SYT9: variants seen among roughly 807,000 people sequenced by gnomAD.
The protein encoded by SYT9 is synaptotagmin-9.
SYT9 carries 22 observed loss-of-function variants against 48.4 expected under a neutral mutation model. The ratio of observed to expected loss-of-function variants is 0.45; its 90% CI spans 0.32 to 0.65. The LOEUF is 0.65. Ranked by LOEUF, SYT9 falls within the 30% of genes least tolerant of loss-of-function variation. SYT9 has a pLI of 0.03. For missense variants in SYT9, 577 were observed against 622.0 expected (o/e 0.93, Z 0.77); for synonymous variants, 265 against 245.0 (o/e 1.08, Z -0.76).
At chr11:7,413,740 C>T (rs188100424) in intron 3 of SYT9, among the ~76,000 whole-genome samples, 12 of 149,974 alleles carry the variant, frequency 8.0e-5, no homozygotes, top group African/African-American at 2.7e-4. Flanking sequence ...AGGCACATAG[C>T]TGCCTGTTGT....
intron 6 of SYT9, among the ~76,000 whole-genome samples, chr11:7,433,763 C>T (rs7927551): frequency 6.6e-6 from 1 of 152,116 alleles, no homozygotes; most frequent in Non-Finnish European, 1.5e-5. Flanking sequence ...TCACCAGACA[C>T]CAAATCAGCT....
chr11:7,260,442 G>C (rs991170885), intron 1 of SYT9, among the ~76,000 whole-genome samples: 8 of 152,118 alleles, frequency 5.3e-5, no homozygotes, highest in African/African-American at 1.9e-4. Flanking sequence ...AGTGTGTGTT[G>C]GCAATGTTGA....
chr11:7,420,726 G>T (rs1847338494), intron 6 of SYT9, 91 bp downstream of exon 6: 6 of 1,514,402 alleles, frequency 4.0e-6, no homozygotes, highest in Non-Finnish European at 5.4e-6. Flanking sequence ...AGTGCACCAG[G>T]ATCTATGGTC....
chr11:7,420,016 C>A (rs1439569871), intron 5 of SYT9, among the ~76,000 whole-genome samples: 1 of 152,156 alleles, frequency 6.6e-6, no homozygotes, highest in Non-Finnish European at 1.5e-5. Flanking sequence ...AAGACAATAA[C>A]AGTATTCTCT....
chr11:7,417,266 G>T (rs557556387), intron 4 of SYT9, among the ~76,000 whole-genome samples: 1 of 152,180 alleles, frequency 6.6e-6, no homozygotes, highest in African/African-American at 2.4e-5. Context: ...TGGTTATGCA[G>T]GTGAAAATAG....
At chr11:7,457,733 G>A (rs1482611783) in intron 6 of SYT9, 2 of 152,170 alleles carry the variant, frequency 1.3e-5, no homozygotes, top group East Asian at 3.9e-4. Context: ...CATCATCTCA[G>A]ATGGATTTGC....
intron 3 of SYT9, among the ~76,000 whole-genome samples, chr11:7,339,589 CTTAT>C (rs1849681799): frequency 1.3e-5 from 2 of 152,212 alleles, no homozygotes; most frequent in South Asian, 4.2e-4. Flanking sequence ...GGAAAAGGAT[CTTAT>C]TTCTCCTTTA....
At chr11:7,263,666 T>A (rs1334654056) in intron 1 of SYT9, among the ~76,000 whole-genome samples, 2 of 151,968 alleles carry the variant, frequency 1.3e-5, no homozygotes, top group African/African-American at 2.4e-5. Context: ...ATCCCCTGAG[T>A]TAAATGCCCC....
chr11:7,359,350 A>C (rs1371896904), intron 3 of SYT9, among the ~76,000 whole-genome samples: 1,581 of 73,932 alleles, frequency 0.021, 30 homozygotes, highest in African/African-American at 0.054. Flanking sequence ...ATTTATAGTC[A>C]TTTGGGTATA....
At chr11:7,412,942 G>T (rs911660743) in intron 3 of SYT9, among the ~76,000 whole-genome samples, 3 of 152,198 alleles carry the variant, frequency 2.0e-5, no homozygotes, top group African/African-American at 7.2e-5. Context: ...TGATTTCCAA[G>T]CCCCTGGATG....
At chr11:7,333,520 A>G (rs1849579937) in intron 3 of SYT9, among the ~76,000 whole-genome samples, 1 of 152,212 alleles carries the variant, frequency 6.6e-6, no homozygotes, top group South Asian at 2.1e-4. Flanking sequence ...AGATCTATGA[A>G]TTTGGCTCTG....
At chr11:7,346,405 T>A (rs1007640938) in intron 3 of SYT9, among the ~76,000 whole-genome samples, 1 of 151,904 alleles carries the variant, frequency 6.6e-6, no homozygotes, top group Non-Finnish European at 1.5e-5. Context: ...CAGAACAGAG[T>A]TGGCGGATTT....
Position 7,397,036 on chromosome 11 carries a change from T to G in SYT9, c.1045-19006T>G, listed in dbSNP as rs541044678. On this transcript the variant is annotated intron_variant, in intron 3 of 6. Coordinates refer to ENST00000318881, the MANE Select transcript of SYT9 (RefSeq NM_175733.4). ...GTTTATCCATTTTTTTGTATTTGGC[T>G]TTGGGCTTTTTGTGTCCATCTAAGG... Among the ~76,000 whole-genome samples the G allele has an allele frequency of 1.9e-3, 291 of 152,296 alleles. 1 individual carries two copies. The highest frequency in any genetic ancestry group is 6.6e-3 in the African/African-American group (274 of 41,590).
At chr11:7,411,739 C>A (rs1344671201) in intron 3 of SYT9, among the ~76,000 whole-genome samples, 3 of 152,058 alleles carry the variant, frequency 2.0e-5, no homozygotes, top group African/African-American at 7.2e-5. Context: ...TCTGAGCCCC[C>A]TATATGAGTC....
At position 7,313,866 on chromosome 11, in the gene SYT9, G is replaced by A; in HGVS notation, c.969G>A (p.Val323=). The change falls in exon 3 of 7, where the codon GTG becomes GTA. Residue 323 remains valine (V), a synonymous_variant. Coordinates refer to ENST00000318881, the MANE Select transcript of SYT9 (RefSeq NM_175733.4). The part of the protein sequence containing the change: ...FSRHDLIGQV[V]VDHFLDLADF... ...GTCATGACTTAATCGGCCAAGTGGT[G>A]GTGGATCACTTCCTAGACTTGGCTG... is the stretch of plus-strand genomic sequence containing the variant. 1 of 1,614,138 alleles carries A rather than the reference G, an allele frequency of 6.2e-7. No individual in the cohort carries two copies.
intron 6 of SYT9, among the ~76,000 whole-genome samples, chr11:7,426,983 C>G (rs1847470877): frequency 6.6e-6 from 1 of 151,938 alleles, no homozygotes; most frequent in African/African-American, 2.4e-5. Flanking sequence ...AGTTATCAGC[C>G]CTCAGCTTCC....
intron 3 of SYT9, among the ~76,000 whole-genome samples, chr11:7,360,561 C>T (rs1025426698): frequency 6.6e-6 from 1 of 152,100 alleles, no homozygotes; most frequent in Non-Finnish European, 1.5e-5. Flanking sequence ...TTGAAGAGGT[C>T]CTTCACGTCC....
intron 1 of SYT9, among the ~76,000 whole-genome samples, chr11:7,245,307 G>T (rs751209814): frequency 1.3e-5 from 2 of 152,130 alleles, no homozygotes; most frequent in Non-Finnish European, 2.9e-5. Flanking sequence ...GTGCATGATG[G>T]TATATAACAA....
At chr11:7,240,544 G>A (rs1273434371) in intron 1 of SYT9, among the ~76,000 whole-genome samples, 2 of 152,054 alleles carry the variant, frequency 1.3e-5, no homozygotes, top group East Asian at 1.9e-4. Context: ...CTTTGAATAC[G>A]TCTTCTAGCA....
Sources: allele counts gnomAD v4.1 joint callset (sites outside exome capture counted in the v4.1 genomes callset), GRCh38; gene constraint gnomAD v4.1.1; transcripts MANE v1.5; gene names NCBI Gene and HGNC (gene_info 2026-07-23, HGNC 2026-07-21).